Variants in GPC6 observed in about 807,000 individuals in gnomAD.
GPC6 encodes the protein glypican 6.
Under a neutral mutation model 55.2 loss-of-function variants are expected in GPC6, and 14 were observed. The observed-to-expected ratio is 0.25, with a 90% confidence interval of 0.17 to 0.40. GPC6 has a LOEUF of 0.40. Ranked by LOEUF, GPC6 falls within the 10% of genes least tolerant of loss-of-function variation. The pLI, the probability that GPC6 is intolerant of heterozygous loss-of-function variation, is 1.00. For synonymous variants in GPC6, 278 were observed against 259.6 expected (o/e 1.07, Z -0.68); for missense variants, 641 against 708.5 (o/e 0.90, Z 1.08).
At chr13:93,258,230 A>G (rs571294384) in intron 1 of GPC6, among the ~76,000 whole-genome samples, 117 of 152,310 alleles carry the variant, frequency 7.7e-4, no homozygotes, top group African/African-American at 2.6e-3. Flanking sequence ...CCTACAATAG[A>G]CCAATGATAT....
intron 3 of GPC6, among the ~76,000 whole-genome samples, chr13:93,939,016 C>T (rs1454255601): frequency 1.3e-5 from 2 of 152,090 alleles, no homozygotes; most frequent in Admixed American, 6.6e-5. Flanking sequence ...GCAGGAAAAT[C>T]GCTTGAACCC....
chr13:93,278,106 A>G (rs899190793), intron 1 of GPC6, among the ~76,000 whole-genome samples: 2 of 152,286 alleles, frequency 1.3e-5, no homozygotes, highest in East Asian at 3.9e-4. Context: ...TTTACAGTTT[A>G]TCTTGCAAAA....
intron 1 of GPC6, among the ~76,000 whole-genome samples, chr13:93,370,716 G>A (rs1175704223): frequency 6.6e-6 from 1 of 152,106 alleles, no homozygotes; most frequent in Non-Finnish European, 1.5e-5. Flanking sequence ...CAGGGATTAT[G>A]TTACATAGAT....
chr13:94,137,200 C>T (rs1298673574), intron 4 of GPC6, among the ~76,000 whole-genome samples: 1 of 152,098 alleles, frequency 6.6e-6, no homozygotes, highest in Non-Finnish European at 1.5e-5. Context: ...TAATATCCAG[C>T]AATTGAATAC....
At chr13:93,901,069 G>A (rs996251344) in intron 3 of GPC6, among the ~76,000 whole-genome samples, 2 of 151,992 alleles carry the variant, frequency 1.3e-5, no homozygotes, top group Non-Finnish European at 1.5e-5. Flanking sequence ...CTGAAATAGA[G>A]GTCTGTGCAG....
At chr13:94,034,236 G>GGAA (rs1387201110) in intron 4 of GPC6, among the ~76,000 whole-genome samples, 2 of 150,858 alleles carry the variant, frequency 1.3e-5, no homozygotes, top group African/African-American at 4.9e-5. Flanking sequence ...AAGGAAGGAA[G>GGAA]GAAGGAAGGA....
chr13:94,051,796 AT>A (rs1262561377), intron 4 of GPC6, among the ~76,000 whole-genome samples: 1 of 152,144 alleles, frequency 6.6e-6, no homozygotes, highest in Non-Finnish European at 1.5e-5. Flanking sequence ...ACTGCATAGA[AT>A]TTGGGTTAGA....
At chr13:93,679,728 C>G (rs921207577) in intron 2 of GPC6, among the ~76,000 whole-genome samples, 1 of 151,852 alleles carries the variant, frequency 6.6e-6, no homozygotes, top group African/African-American at 2.4e-5. Context: ...CAGCTTGTTA[C>G]GTGACCAAGA....
At chr13:93,803,964 T>C (rs1308006179) in intron 2 of GPC6, among the ~76,000 whole-genome samples, 2 of 152,112 alleles carry the variant, frequency 1.3e-5, no homozygotes, top group African/African-American at 2.4e-5. Flanking sequence ...TCTGGAGTGA[T>C]GAAAATGCTC....
chr13:93,965,475 G>C (rs890442597), intron 3 of GPC6, among the ~76,000 whole-genome samples: 1 of 152,098 alleles, frequency 6.6e-6, no homozygotes, highest in Non-Finnish European at 1.5e-5. Flanking sequence ...GGAGGAGACT[G>C]TTTCTCCCTC....
At chr13:93,796,506 G>A (rs1886201292) in intron 2 of GPC6, among the ~76,000 whole-genome samples, 1 of 151,896 alleles carries the variant, frequency 6.6e-6, no homozygotes, top group African/African-American at 2.4e-5. Flanking sequence ...TATTAATGAA[G>A]TTTTTTGAAA....
At chr13:93,354,523 T>TA (rs1164670096) in intron 1 of GPC6, among the ~76,000 whole-genome samples, 6 of 149,540 alleles carry the variant, frequency 4.0e-5, no homozygotes, top group African/African-American at 1.5e-4. Context: ...GCTATTATTT[T>TA]TTTTTTTTTT....
At chr13:94,271,374 G>GCGCGCA (rs1566618057) in intron 4 of GPC6, among the ~76,000 whole-genome samples, 1 of 108,370 alleles carries the variant, frequency 9.2e-6, no homozygotes, top group African/African-American at 3.3e-5. Flanking sequence ...ACACGCGCGC[G>GCGCGCA]CGCGCGCGCA....
At chr13:93,379,432 C>G (rs1296934899) in intron 1 of GPC6, among the ~76,000 whole-genome samples, 1 of 151,998 alleles carries the variant, frequency 6.6e-6, no homozygotes, top group Non-Finnish European at 1.5e-5. Context: ...AATAAGTGAC[C>G]AGTCTATTTT....
intron 1 of GPC6, among the ~76,000 whole-genome samples, chr13:93,447,057 G>T (rs559819566): frequency 1.3e-5 from 2 of 152,204 alleles, no homozygotes; most frequent in East Asian, 3.9e-4. Context: ...GAATTAAGTA[G>T]GAGACTGAAT....
At chr13:94,277,977 T>C (rs1374039689) in intron 4 of GPC6, among the ~76,000 whole-genome samples, 2 of 152,196 alleles carry the variant, frequency 1.3e-5, no homozygotes, top group Non-Finnish European at 2.9e-5. Context: ...GTGAAGAATG[T>C]CAATGGCAGT....
At chr13:93,532,071 T>C (rs1178835322) in intron 1 of GPC6, among the ~76,000 whole-genome samples, 3 of 152,228 alleles carry the variant, frequency 2.0e-5, no homozygotes, top group African/African-American at 4.8e-5. Flanking sequence ...AATCTCATGG[T>C]GCTTCCAAAA....
At chr13:93,666,572 A>G (rs866072039) in intron 2 of GPC6, among the ~76,000 whole-genome samples, 1 of 152,194 alleles carries the variant, frequency 6.6e-6, no homozygotes, top group Non-Finnish European at 1.5e-5. Flanking sequence ...TAAAAATGGT[A>G]TGTATTGTAA....
At chr13:94,154,104 G>A (rs1887841080) in intron 4 of GPC6, 1 of 152,020 alleles carries the variant, frequency 6.6e-6, no homozygotes, top group African/African-American at 2.4e-5. Flanking sequence ...AATCAAACTA[G>A]ACTTAGTTCA....
Sources: allele counts gnomAD v4.1 joint callset (sites outside exome capture counted in the v4.1 genomes callset), GRCh38; gene constraint gnomAD v4.1.1; transcripts MANE v1.5; gene names NCBI Gene and HGNC (gene_info 2026-07-23, HGNC 2026-07-21).